The following MITF variants were observed in gnomAD, a reference collection of about 807,000 sequenced individuals.
The protein encoded by MITF is microphthalmia-associated transcription factor.
Under a neutral mutation model 60.5 loss-of-function variants are expected in MITF, and 17 were observed. The ratio of observed to expected loss-of-function variants is 0.28; its 90% CI spans 0.19 to 0.42. The LOEUF (loss-of-function observed/expected upper bound fraction) is 0.42, where lower values mean the gene tolerates loss of function less well. Ranked by LOEUF, MITF falls within the 10% of genes least tolerant of loss-of-function variation. MITF has a pLI of 1.00. For synonymous variants in MITF, 260 were observed against 248.5 expected, an observed-to-expected ratio of 1.05 and a Z score of -0.43; for missense variants, 622 against 683.5, an observed-to-expected ratio of 0.91 and a Z score of 1.00.
chr3:69,856,485 CAG>C (rs1399389451), intron 1 of MITF, among the ~76,000 whole-genome samples: 1 of 152,152 alleles, frequency 6.6e-6, no homozygotes, highest in African/African-American at 2.4e-5. Context: ...TAGCATCAAA[CAG>C]AGACTTTCCT....
At chr3:69,808,592 A>C (rs2063050270) in intron 1 of MITF, among the ~76,000 whole-genome samples, 1 of 152,008 alleles carries the variant, frequency 6.6e-6, no homozygotes, top group Admixed American at 6.6e-5. Context: ...CTGGAAGAAG[A>C]GTAGGAGTGG....
At chr3:69,883,339 C>T (rs993236722) in intron 2 of MITF, among the ~76,000 whole-genome samples, 2 of 152,140 alleles carry the variant, frequency 1.3e-5, no homozygotes, top group East Asian at 1.9e-4. Context: ...GTGGTTATCT[C>T]GTCAAAGTTG....
In MITF at chr3:69,937,628, A is replaced by C. The variant is rs74677075; in HGVS notation, c.355-194A>C. Among the ~76,000 whole-genome samples the C allele has an allele frequency of 0.036, 5,480 of 152,310 alleles. 210 individuals are homozygous for C. Among genetic ancestry groups the C allele is most frequent in the African/African-American group, 0.092 (3,821 of 41,562 alleles). Reference sequence around the variant, plus strand: ...GAAATAAAATAGGGCAAAGTATTACACCAAATCCTACTAGTTAGACTTTAA... The same window carrying C: ...GAAATAAAATAGGGCAAAGTATTACCCCAAATCCTACTAGTTAGACTTTAA... On this transcript the variant is annotated intron_variant, in intron 2 of 9. Coordinates refer to ENST00000352241, the MANE Select transcript of MITF (RefSeq NM_001354604.2).
intron 5 of MITF, among the ~76,000 whole-genome samples, chr3:69,947,128 G>A (rs371255407): frequency 7.9e-5 from 12 of 152,170 alleles, no homozygotes; most frequent in East Asian, 3.8e-4. Context: ...TAATAACACA[G>A]TGAGTTTTGC....
At chr3:69,907,932 G>C (rs1249858904) in intron 2 of MITF, among the ~76,000 whole-genome samples, 12 of 152,140 alleles carry the variant, frequency 7.9e-5, no homozygotes, top group East Asian at 3.9e-4. Context: ...TGTTACAAAT[G>C]GTTTTTTGAA....
At chr3:69,849,278 C>G (rs1344308817) in intron 1 of MITF, among the ~76,000 whole-genome samples, 2 of 152,108 alleles carry the variant, frequency 1.3e-5, no homozygotes, top group African/African-American at 4.8e-5. Context: ...AAAGATTCTT[C>G]TACAGTACCT....
chr3:69,943,717 G>A (rs554762352), intron 5 of MITF, among the ~76,000 whole-genome samples: 126 of 152,214 alleles, frequency 8.3e-4, no homozygotes, highest in Non-Finnish European at 1.6e-3. Flanking sequence ...ATGGGTCCCA[G>A]TTTGCTTCAT....
At chr3:69,953,599 A>ATGTATGTATATGTATATATATATATGTG (rs2066312204) in intron 7 of MITF, among the ~76,000 whole-genome samples, 1 of 148,648 alleles carries the variant, frequency 6.7e-6, no homozygotes, top group Non-Finnish European at 1.5e-5. Flanking sequence ...ATATATATAT[A>ATGTATGTATATGTATATATATATATGTG]TGTATGTATA....
At chr3:69,840,757 T>C (rs574095587) in intron 1 of MITF, among the ~76,000 whole-genome samples, 12 of 140,726 alleles carry the variant, frequency 8.5e-5, no homozygotes, top group South Asian at 4.5e-4. Context: ...TTTTTTCTCT[T>C]TTTTTTTTTT....
chr3:69,763,365 T>C (rs532421603), intron 1 of MITF, among the ~76,000 whole-genome samples: 1 of 152,344 alleles, frequency 6.6e-6, no homozygotes, highest in East Asian at 1.9e-4. Context: ...ACTGAATCTA[T>C]AGATAAAGAG....
intron 1 of MITF, among the ~76,000 whole-genome samples, chr3:69,824,686 A>G (rs949697782): frequency 6.6e-6 from 1 of 152,122 alleles, no homozygotes; most frequent in African/African-American, 2.4e-5. Context: ...CTCTAGCACC[A>G]TGTTCCTCCA....
In MITF at chr3:69,820,594, G is replaced by A. The variant is rs192324059; in HGVS notation, c.105-58540G>A. On this transcript the variant is annotated intron_variant, in intron 1 of 9. Coordinates refer to ENST00000352241, the MANE Select transcript of MITF (RefSeq NM_001354604.2). ...GGACAAAAATGTTCAGTTCTTTTTGGATTCTGATGGCCTGGTAAAACTTCT... is the reference window on the plus strand; with the variant it reads ...GGACAAAAATGTTCAGTTCTTTTTGAATTCTGATGGCCTGGTAAAACTTCT... 1.1e-3 allele frequency among the ~76,000 whole-genome samples: 169 copies of A among 152,114 alleles called. 2 individuals are homozygous for A. The highest frequency in any genetic ancestry group is 4.0e-3 in the African/African-American group (165 of 41,486).
At chr3:69,931,621 C>T (rs1055051781) in intron 2 of MITF, among the ~76,000 whole-genome samples, 4 of 152,110 alleles carry the variant, frequency 2.6e-5, no homozygotes, top group Non-Finnish European at 4.4e-5. Flanking sequence ...ATTTACAGCT[C>T]AATTCTCTGA....
intron 1 of MITF, among the ~76,000 whole-genome samples, chr3:69,877,263 G>A (rs1001922427): frequency 2.0e-5 from 3 of 151,974 alleles, no homozygotes; most frequent in Admixed American, 6.6e-5. Context: ...AAAGAGCTTT[G>A]TAATATCAGT....
At chr3:69,789,662 C>A (rs980527564) in intron 1 of MITF, among the ~76,000 whole-genome samples, 7 of 152,080 alleles carry the variant, frequency 4.6e-5, no homozygotes, top group African/African-American at 1.7e-4. Flanking sequence ...TCGAGACAAC[C>A]CTGGGCAGCA....
chr3:69,747,898 AG>A (rs2106758635), intron 1 of MITF, among the ~76,000 whole-genome samples: 1 of 152,222 alleles, frequency 6.6e-6, no homozygotes, highest in East Asian at 1.9e-4. Flanking sequence ...TGTTAAGGAG[AG>A]GCCTAAGTAA....
At chr3:69,758,661 A>T (rs577578293) in intron 1 of MITF, 1 of 200,490 alleles carries the variant, frequency 5.0e-6, no homozygotes, top group African/African-American at 2.3e-5. Context: ...AGTTCACTGG[A>T]CATCTCAAGG....
chr3:69,764,047 C>A, intron 1 of MITF: 1 of 903,078 alleles, frequency 1.1e-6, no homozygotes, highest in Non-Finnish European at 1.5e-6. Context: ...GGTTCTTGTT[C>A]ATAAATGGCT....
At chr3:69,901,135 G>A (rs1294334518) in intron 2 of MITF, among the ~76,000 whole-genome samples, 1 of 148,028 alleles carries the variant, frequency 6.8e-6, no homozygotes, top group Non-Finnish European at 1.5e-5. Flanking sequence ...ATTTCAAGCA[G>A]TACACTCCTA....
Sources: gnomAD v4.1 joint callset for allele counts (sites outside exome capture counted in the v4.1 genomes callset) on GRCh38, gnomAD v4.1.1 for gene constraint, MANE v1.5 for transcripts, NCBI Gene and HGNC (gene_info 2026-07-23, HGNC 2026-07-21) for gene names.